NEGR1: variants seen among roughly 807,000 people sequenced by gnomAD.
NEGR1 encodes the protein neuronal growth regulator 1.
In NEGR1, 10 loss-of-function variants were observed where a neutral mutation model predicts 40.9. That is an observed-to-expected ratio of 0.24 (90% CI 0.15 to 0.42). The LOEUF is 0.42. NEGR1 is among the 10% of genes least tolerant of loss of function. The pLI, the probability that NEGR1 is intolerant of heterozygous loss-of-function variation, is 1.00. For missense variants in NEGR1, 352 were observed against 438.9 expected (o/e 0.80, Z 1.77); for synonymous variants, 185 against 166.8 (o/e 1.11, Z -0.84).
rs75977774 is a variant in NEGR1 at position 72,119,514 on chromosome 1, G to C, written c.176+162805C>G. ...AAAAAGCATCCTGAGGTAGAAGAAA[G>C]CCACATTACTTGTATGATACACAAT... On this transcript the variant is annotated intron_variant, in intron 1 of 6. Transcript: ENST00000357731. 8.4e-3 allele frequency among the ~76,000 whole-genome samples: 1,279 copies of C among 152,046 alleles called. 7 individuals carry two copies. The highest frequency in any genetic ancestry group is 0.024 in the Middle Eastern group (7 of 294).
chr1:71,794,787 C>T lies in NEGR1; in HGVS notation c.410-18490G>A, dbSNP rs553985698. Among the ~76,000 whole-genome samples, 8 of 152,082 alleles carry T rather than the reference C, an allele frequency of 5.3e-5. No individual in the cohort carries two copies. In the South Asian group the frequency reaches 1.7e-3, roughly 32 times the overall value. On this transcript the variant is annotated intron_variant, in intron 2 of 6. Coordinates refer to ENST00000357731, the MANE Select transcript of NEGR1 (RefSeq NM_173808.3). ...TTTGGTATATGTGAGATACCATAAACTGATTTAAATAAAGCCACATTGCAG... is the reference window on the plus strand; with the variant it reads ...TTTGGTATATGTGAGATACCATAAATTGATTTAAATAAAGCCACATTGCAG...
At chr1:72,162,465 C>G (rs1008673680) in intron 1 of NEGR1, among the ~76,000 whole-genome samples, 6 of 151,820 alleles carry the variant, frequency 4.0e-5, no homozygotes, top group Non-Finnish European at 8.8e-5. Flanking sequence ...GCCAAACAAA[C>G]AAACAAACAA....
At chr1:71,567,437 CT>C (rs1190622949) in intron 6 of NEGR1, among the ~76,000 whole-genome samples, 9 of 151,992 alleles carry the variant, frequency 5.9e-5, no homozygotes, top group African/African-American at 2.2e-4. Context: ...TTCCTATTAC[CT>C]ATACTTTAAT....
intron 6 of NEGR1, among the ~76,000 whole-genome samples, chr1:71,431,576 A>T (rs1646469975): frequency 6.6e-6 from 1 of 152,056 alleles, no homozygotes; most frequent in African/African-American, 2.4e-5. Context: ...CCATTCATTC[A>T]TTCATTCATT....
At chr1:71,475,981 T>A (rs1490465054) in intron 6 of NEGR1, among the ~76,000 whole-genome samples, 1 of 152,060 alleles carries the variant, frequency 6.6e-6, no homozygotes, top group Admixed American at 6.6e-5. Context: ...CATAGTAACA[T>A]GTGTTTGGAG....
rs182941514 is a variant in NEGR1 at position 71,759,149 on chromosome 1, G to T, written c.535+17023C>A. 2.6e-5 allele frequency among the ~76,000 whole-genome samples: 4 copies of T among 152,178 alleles called. No individual in the cohort carries two copies. The East Asian group carries it at 7.7e-4, about 29-fold the overall frequency. ...GATGGACTCATTGTATACATTGGTA[G>T]TACCTAATGTTCCTTCCGGATACTT... On this transcript the variant is annotated intron_variant, in intron 3 of 6. Transcript: ENST00000357731.
At chr1:71,676,586 T>C (rs1652644898) in intron 4 of NEGR1, among the ~76,000 whole-genome samples, 1 of 152,154 alleles carries the variant, frequency 6.6e-6, no homozygotes, top group Non-Finnish European at 1.5e-5. Flanking sequence ...CGTTGTTGGG[T>C]GTCTTGCTTG....
At chr1:71,556,909 C>A (rs766476888) in intron 6 of NEGR1, among the ~76,000 whole-genome samples, 30 of 151,500 alleles carry the variant, frequency 2.0e-4, no homozygotes, top group Non-Finnish European at 4.1e-4. Context: ...TGTAAAATAG[C>A]AAAATGAAAC....
chr1:71,837,509 T>C (rs904699055), intron 2 of NEGR1, among the ~76,000 whole-genome samples: 1 of 152,096 alleles, frequency 6.6e-6, no homozygotes, highest in Non-Finnish European at 1.5e-5. Context: ...GTTAAATACA[T>C]TCATTTTTTG....
In NEGR1 at chr1:71,467,769, C is replaced by T. The variant is rs575098024; in HGVS notation, c.941-60199G>A. Among the ~76,000 whole-genome samples, 12 of 152,106 alleles carry T rather than the reference C, an allele frequency of 7.9e-5. 1 individual carries two copies. The East Asian group carries it at 1.5e-3, about 20-fold the overall frequency. On this transcript the variant is annotated intron_variant, in intron 6 of 6. Coordinates refer to ENST00000357731, the MANE Select transcript of NEGR1 (RefSeq NM_173808.3). ...TATTTGCCCAATTGGTATCTGGCAT[C>T]GCAAATGAGCTCTTGACTTATATAT...
At chr1:71,775,994 AAAATAAAT>A (rs34165866) in intron 3 of NEGR1, among the ~76,000 whole-genome samples, 170 bp downstream of exon 3, 3,914 of 141,790 alleles carry the variant, frequency 0.028, 159 homozygotes, top group African/African-American at 0.092. Context: ...CTCTGTCTCA[AAAATAAAT>A]AAATAAATAA....
chr1:71,928,601 A>G (rs1228249495), intron 2 of NEGR1, among the ~76,000 whole-genome samples: 3 of 150,170 alleles, frequency 2.0e-5, no homozygotes, highest in Non-Finnish European at 4.4e-5. Flanking sequence ...ACAGCATCTC[A>G]CTGTTTTATA....
chr1:71,882,747 G>C (rs1174037080), intron 2 of NEGR1, among the ~76,000 whole-genome samples: 1 of 146,060 alleles, frequency 6.8e-6, no homozygotes, highest in Admixed American at 6.8e-5. Flanking sequence ...AAAAAAGCAT[G>C]TTGAGGTCTT....
intron 6 of NEGR1, among the ~76,000 whole-genome samples, chr1:71,437,775 A>G (rs1307230041): frequency 1.3e-5 from 2 of 152,204 alleles, no homozygotes; most frequent in Non-Finnish European, 2.9e-5. Context: ...TTTGTCTAAG[A>G]TACATTTAAA....
At chr1:71,931,516 C>T (rs1360339603) in intron 2 of NEGR1, among the ~76,000 whole-genome samples, 6 of 152,046 alleles carry the variant, frequency 3.9e-5, no homozygotes, top group African/African-American at 1.2e-4. Flanking sequence ...CTTCCAAGAG[C>T]GTTTGTGCTG....
chr1:71,886,904 G>A (rs888431897), intron 2 of NEGR1, among the ~76,000 whole-genome samples: 5 of 152,060 alleles, frequency 3.3e-5, no homozygotes, highest in Non-Finnish European at 7.4e-5. Flanking sequence ...ATTCCATTTG[G>A]GGTGCAAAAT....
At chr1:71,474,988 T>C (rs979859791) in intron 6 of NEGR1, among the ~76,000 whole-genome samples, 1 of 151,964 alleles carries the variant, frequency 6.6e-6, no homozygotes, top group Non-Finnish European at 1.5e-5. Context: ...GAAAAGAACA[T>C]GTAAAATTTA....
At chr1:72,062,969 A>C (rs1165427736) in intron 1 of NEGR1, among the ~76,000 whole-genome samples, 1 of 151,944 alleles carries the variant, frequency 6.6e-6, no homozygotes, top group Non-Finnish European at 1.5e-5. Flanking sequence ...TTCATAAATC[A>C]ATGGCACTAA....
At chr1:72,161,676 C>CTTTCT (rs1651566229) in intron 1 of NEGR1, among the ~76,000 whole-genome samples, 3 of 84,568 alleles carry the variant, frequency 3.5e-5, no homozygotes, top group African/African-American at 5.1e-5. Context: ...TTCTTTCTTT[C>CTTTCT]TTTTTTTTTT....
Sources: gnomAD v4.1 joint callset for allele counts (sites outside exome capture counted in the v4.1 genomes callset) on GRCh38, gnomAD v4.1.1 for gene constraint, MANE v1.5 for transcripts, NCBI Gene and HGNC (gene_info 2026-07-23, HGNC 2026-07-21) for gene names.